ANKRD44: variants seen among roughly 807,000 people sequenced by gnomAD.
ANKRD44 encodes serine/threonine-protein phosphatase 6 regulatory ankyrin repeat subunit B.
In ANKRD44, 35 loss-of-function variants were observed where a neutral mutation model predicts 116.0. The observed-to-expected ratio is 0.30, with a 90% CI of 0.23 to 0.40. The LOEUF (loss-of-function observed/expected upper bound fraction) is 0.40, where lower values mean the gene tolerates loss of function less well. Ranked by LOEUF, ANKRD44 falls within the 10% of genes least tolerant of loss-of-function variation. ANKRD44 has a pLI of 1.00. For synonymous variants in ANKRD44, 435 were observed against 461.8 expected (o/e 0.94, Z 0.74); for missense variants, 1,014 against 1,242.6 (o/e 0.82, Z 2.77).
intron 16 of ANKRD44, among the ~76,000 whole-genome samples, chr2:197,070,537 G>A (rs981612286): frequency 6.6e-6 from 1 of 152,138 alleles, no homozygotes; most frequent in Non-Finnish European, 1.5e-5. Flanking sequence ...TTAATACAGT[G>A]AATTACACTG....
intron 13 of ANKRD44, among the ~76,000 whole-genome samples, chr2:197,086,233 A>C (rs2077919295): frequency 6.6e-6 from 1 of 152,212 alleles, no homozygotes; most frequent in Admixed American, 6.5e-5. Context: ...ATAAAGGACC[A>C]TTAAGGTAAG....
intron 1 of ANKRD44, among the ~76,000 whole-genome samples, chr2:197,307,017 A>G (rs2084092357): frequency 6.6e-6 from 1 of 152,148 alleles, no homozygotes; most frequent in African/African-American, 2.4e-5. Flanking sequence ...CTGAAAATAA[A>G]TTTCGGGTAG....
At chr2:197,196,641 C>T (rs2080955728) in intron 1 of ANKRD44, among the ~76,000 whole-genome samples, 2 of 152,198 alleles carry the variant, frequency 1.3e-5, no homozygotes, top group Non-Finnish European at 2.9e-5. Flanking sequence ...GAGGCTGGAA[C>T]TACTGTATAC....
intron 9 of ANKRD44, among the ~76,000 whole-genome samples, chr2:197,108,373 T>C (rs1455306947): frequency 6.6e-6 from 1 of 152,250 alleles, no homozygotes; most frequent in Non-Finnish European, 1.5e-5. Context: ...TCATTATATA[T>C]AATAGGCTAC....
At chr2:197,093,314 A>C (rs1369397940) in intron 10 of ANKRD44, among the ~76,000 whole-genome samples, 1 of 152,200 alleles carries the variant, frequency 6.6e-6, no homozygotes, top group Non-Finnish European at 1.5e-5. Context: ...CAGCAACAAT[A>C]TGATATATTC....
At chr2:197,126,074 G>C (rs1364818834) in intron 4 of ANKRD44, 37 bp from the exon 5 acceptor site, 1 of 1,607,158 alleles carries the variant, frequency 6.2e-7, no homozygotes, top group Non-Finnish European at 8.5e-7. Flanking sequence ...GTCACTGACA[G>C]ACGTTCAATC....
chr2:197,158,014 T>C (rs1254103534), intron 2 of ANKRD44, among the ~76,000 whole-genome samples: 1 of 152,168 alleles, frequency 6.6e-6, no homozygotes, highest in African/African-American at 2.4e-5. Flanking sequence ...GCCAGGAATA[T>C]TTCTTGAGAG....
chr2:197,110,846 TA>T lies in ANKRD44; in HGVS notation c.907-3del. The T allele has an allele frequency of 1.4e-5, 22 of 1,610,210 alleles. No homozygotes were observed. Among genetic ancestry groups the T allele is most frequent in the Non-Finnish European group, 1.6e-5 (19 of 1,177,016 alleles). ...CAGTGGACTTTTGCCATCTTTACTC[TA>T]AAAAAAAGAGAGGGAGAGAAAAACA... On this transcript the variant is annotated splice_polypyrimidine_tract_variant and splice_region_variant and intron_variant, in intron 8 of 27. Transcript: ENST00000282272.
chr2:197,109,756 C>T (rs1173962340), intron 9 of ANKRD44, among the ~76,000 whole-genome samples: 2 of 152,086 alleles, frequency 1.3e-5, no homozygotes, highest in Non-Finnish European at 2.9e-5. Context: ...AAAATCTGAA[C>T]TAAACCTGGT....
intron 10 of ANKRD44, among the ~76,000 whole-genome samples, chr2:197,091,973 A>C (rs1006636951): frequency 1.3e-5 from 2 of 152,210 alleles, no homozygotes; most frequent in African/African-American, 4.8e-5. Flanking sequence ...ACTAAGACAC[A>C]GTCACCAGGA....
intron 9 of ANKRD44, among the ~76,000 whole-genome samples, chr2:197,107,800 G>A (rs1446305702): frequency 1.3e-5 from 2 of 152,234 alleles, no homozygotes; most frequent in Non-Finnish European, 2.9e-5. Context: ...GGCCCTAGGG[G>A]CATGAGCTTC....
rs141233073 is a variant in ANKRD44, at chr2:197,070,704, C to CTCTG, written c.1650+7998_1650+7999insCAGA. ...AAGACATTGTGCTCGCTCTCGCTCT[C>CTCTG]TGTGTGTGTGTGTGTGTCTTTGGTA... is the stretch of plus-strand genomic sequence containing the variant. On this transcript the variant is annotated intron_variant, in intron 16 of 27. Transcript: ENST00000282272. Among the ~76,000 whole-genome samples, 9 of 151,266 alleles carry CTCTG rather than the reference C, an allele frequency of 5.9e-5. No individual in the cohort carries two copies. In the South Asian group the frequency reaches 8.4e-4, roughly 14 times the overall value.
Position 197,007,766 on chromosome 2 carries a change from A to T in ANKRD44, c.2130+40T>A, listed in dbSNP as rs548080360. The stretch of plus-strand genomic sequence containing the variant: ...TGCTAAAAAAGAAAACAAGCTCATT[A>T]AAAAAATTGCTTGACTAGAGCTGAG... On this transcript the variant is annotated intron_variant, in intron 20 of 27. Coordinates refer to ENST00000282272, the MANE Select transcript of ANKRD44 (RefSeq NM_001195144.2). 34 of 1,321,002 alleles carry T rather than the reference A, an allele frequency of 2.6e-5. No homozygotes were observed. The African/African-American group carries it at 2.8e-4, about 11-fold the overall frequency. 81.8% of individuals were successfully genotyped at this position (1,321,002 alleles called of 1,614,324 possible).
chr2:197,252,322 C>A (rs2082334147), intron 1 of ANKRD44, among the ~76,000 whole-genome samples: 1 of 149,976 alleles, frequency 6.7e-6, no homozygotes, highest in African/African-American at 2.5e-5. Flanking sequence ...ATTCCTGCTC[C>A]CCGCTACCCG....
chr2:197,013,694 G>T lies in ANKRD44; in HGVS notation c.1741C>A (p.Gln581Lys). 6.2e-7 allele frequency: 1 copy of T among 1,613,122 alleles called. No individual in the cohort carries two copies. Among genetic ancestry groups the T allele is most frequent in the South Asian group, 1.1e-5 (1 of 91,016 alleles). ...LHLAAYNGHH[Q>K]ALEVLLQSLV... ...GACTGCAGAAGGACTTCCAAGGCTTGATGGTGCCCATTGTAGGCCTGCAAA... is the reference window on the plus strand; with the variant it reads ...GACTGCAGAAGGACTTCCAAGGCTTTATGGTGCCCATTGTAGGCCTGCAAA... The change falls in exon 18 of 28, where the codon CAA becomes AAA. Residue 581 changes from glutamine (Q) to lysine (K), a missense_variant. By Grantham distance (53) the Gln-to-Lys change is moderately conservative. Transcript: ENST00000282272.
At chr2:197,219,327 T>C (rs1477683773) in intron 1 of ANKRD44, among the ~76,000 whole-genome samples, 1 of 152,052 alleles carries the variant, frequency 6.6e-6, no homozygotes, top group Admixed American at 6.6e-5. Flanking sequence ...CTCAGCCTCC[T>C]AAAGTGCTGG....
At chr2:197,072,031 G>A (rs1434352587) in intron 16 of ANKRD44, among the ~76,000 whole-genome samples, 1 of 147,610 alleles carries the variant, frequency 6.8e-6, no homozygotes, top group African/African-American at 2.5e-5. Context: ...AGGGAGGGAG[G>A]GATGGAGGGA....
At chr2:197,279,444 C>T (rs917748487) in intron 1 of ANKRD44, among the ~76,000 whole-genome samples, 4 of 152,146 alleles carry the variant, frequency 2.6e-5, no homozygotes, top group Non-Finnish European at 4.4e-5. Flanking sequence ...TGGCTCCCCA[C>T]GGTCACAAGA....
At chr2:196,967,516 G>A in intron 21 of ANKRD44, 1 of 429,082 alleles carries the variant, frequency 2.3e-6, no homozygotes, top group Non-Finnish European at 5.0e-6. Context: ...GCATTTTTCG[G>A]TAAAAAAGAA....
Sources: allele counts gnomAD v4.1 joint callset (sites outside exome capture counted in the v4.1 genomes callset), GRCh38; gene constraint gnomAD v4.1.1; transcripts MANE v1.5; gene names NCBI Gene and HGNC (gene_info 2026-07-23, HGNC 2026-07-21).